The following LRCH2 variants were observed in gnomAD, a reference collection of about 807,000 sequenced individuals.
The protein encoded by LRCH2 is leucine rich repeats and calponin homology domain containing 2, also known as leucine-rich repeat and calponin homology domain-containing protein 2.
A neutral mutation model predicts 68.9 loss-of-function variants in LRCH2; 38 were observed. The ratio of observed to expected loss-of-function variants is 0.55; its 90% CI spans 0.43 to 0.72. The LOEUF is 0.72. Among genes scored for constraint, LRCH2 ranks in the 30% least tolerant of loss-of-function variants. The pLI is 0.00. For missense variants in LRCH2, 528 were observed against 572.9 expected (o/e 0.92, Z 0.80); for synonymous variants, 191 against 208.1 (o/e 0.92, Z 0.71).
At chrX:115,150,799 T>C (rs1024257567) in intron 12 of LRCH2, among the ~76,000 whole-genome samples, 13 of 111,025 alleles carry the variant, frequency 1.2e-4, no homozygotes, top group African/African-American at 4.2e-4. Flanking sequence ...TCTATTATTA[T>C]AAGAGGTAAG....
At position 115,156,671 on chromosome X, in the gene LRCH2, G is replaced by C; in HGVS notation, c.1464-4C>G. ...AGAAGTTGAATGATTAAGAATCCTA[G>C]AAGTAAATCAACACATTAATTCCCA... On this transcript the variant is annotated splice_polypyrimidine_tract_variant and splice_region_variant and intron_variant, in intron 11 of 20. Coordinates refer to ENST00000317135, the MANE Select transcript of LRCH2 (RefSeq NM_020871.4). 9.1e-7 allele frequency: 1 copy of C among 1,095,051 alleles called. No homozygotes were observed. The highest frequency in any genetic ancestry group is 1.2e-6 in the Non-Finnish European group (1 of 825,654). 90.2% of individuals were successfully genotyped at this position (1,095,051 alleles called of 1,213,427 possible). A position where few individuals can be genotyped will look rare whatever the true frequency, so the allele number is the denominator to read the frequency against.
intron 1 of LRCH2, chrX:115,192,014 G>A (rs782146378): frequency 1.7e-6 from 2 of 1,166,484 alleles, no homozygotes; most frequent in African/African-American, 3.6e-5. Context: ...TATGGAGGAG[G>A]AGGCCACTAC....
At chrX:115,172,834 A>G (rs2072615096) in intron 5 of LRCH2, among the ~76,000 whole-genome samples, 1 of 104,646 alleles carries the variant, frequency 9.6e-6, no homozygotes, top group African/African-American at 3.5e-5. Context: ...CATATCTGTC[A>G]ATCTCAGACA....
intron 5 of LRCH2, among the ~76,000 whole-genome samples, chrX:115,174,315 C>T (rs1224460910): frequency 2.7e-5 from 3 of 110,535 alleles, no homozygotes; most frequent in Non-Finnish European, 3.8e-5. Flanking sequence ...GTCCTCAGTA[C>T]TTATTCATCT....
rs1447334331 is a variant in LRCH2, at chrX:115,184,327, T to C, written c.621+84A>G. On this transcript the variant is annotated intron_variant, in intron 3 of 20. Transcript: ENST00000317135. The stretch of plus-strand genomic sequence containing the variant: ...TTAGTACTTTTTTTAAAAATTACAA[T>C]TAAATTCCATTAAAAATAGGTAATC... 14 of 783,155 alleles carry C rather than the reference T, an allele frequency of 1.8e-5. No homozygotes were observed. The South Asian group carries it at 5.2e-4, about 29-fold the overall frequency. 64.5% of individuals were successfully genotyped at this position (783,155 alleles called of 1,213,427 possible).
In LRCH2 at chrX:115,165,542, T is replaced by C. The variant is rs2072552119; in HGVS notation, c.1296+16A>G. ...AAGAGAACATGTTATTAATATTTGTTCAAAGTTTTATTTACCTTAAAGAAT... is the reference window on the plus strand; with the variant it reads ...AAGAGAACATGTTATTAATATTTGTCCAAAGTTTTATTTACCTTAAAGAAT... On this transcript the variant is annotated intron_variant, in intron 9 of 20. Coordinates refer to ENST00000317135, the MANE Select transcript of LRCH2 (RefSeq NM_020871.4). The C allele has an allele frequency of 2.7e-6, 3 of 1,114,293 alleles. No individual in the cohort carries two copies. The highest frequency in any genetic ancestry group is 3.6e-6 in the Non-Finnish European group (3 of 830,398). The allele number at this position is 1,114,293 out of a possible 1,213,427, so 91.8% of individuals were successfully genotyped here. A position where few individuals can be genotyped will look rare whatever the true frequency, so the allele number is the denominator to read the frequency against.
rs1556522603 is a variant in LRCH2, at chrX:115,111,139, T to A, written c.*2077A>T. The stretch of plus-strand genomic sequence containing the variant: ...ACTGCTTTAGACGTGGTGTTGCCAT[T>A]TGGCACAAGAGTAAATGAACTGCCA... On this transcript the variant is annotated 3_prime_UTR_variant, in exon 21 of 21. Coordinates refer to ENST00000317135, the MANE Select transcript of LRCH2 (RefSeq NM_020871.4). 9.0e-6 allele frequency: 1 copy of A among 111,722 alleles called. No individual in the cohort carries two copies. The allele number at this position is 111,722 out of a possible 1,213,427, so 9.2% of individuals were successfully genotyped here. A position where few individuals can be genotyped will look rare whatever the true frequency, so the allele number is the denominator to read the frequency against.
At chrX:115,171,684 T>G (rs953065531) in intron 5 of LRCH2, among the ~76,000 whole-genome samples, 12 of 109,285 alleles carry the variant, frequency 1.1e-4, no homozygotes, top group Admixed American at 2.0e-4. Flanking sequence ...GTTTTTTTGT[T>G]TTTTTTTTGC....
At position 115,207,529 on chromosome X, in the gene LRCH2, C is replaced by A. The variant is rs1257165022; in HGVS notation, c.350-19159G>T. Reference sequence around the variant, plus strand: ...ACTCATGCCTGGGTGACAGTGAGACCCTGTCTTTTTCAAAAAATAAAAATA... The same window carrying A: ...ACTCATGCCTGGGTGACAGTGAGACACTGTCTTTTTCAAAAAATAAAAATA... On this transcript the variant is annotated intron_variant, in intron 1 of 20. Transcript: ENST00000317135. Among the ~76,000 whole-genome samples the A allele has an allele frequency of 4.5e-5, 5 of 111,301 alleles. No homozygotes were observed. In the East Asian group the frequency reaches 1.1e-3, roughly 25 times the overall value.
chrX:115,215,094 T>C (rs1047325607), intron 1 of LRCH2, among the ~76,000 whole-genome samples: 2 of 112,205 alleles, frequency 1.8e-5, no homozygotes, highest in African/African-American at 3.2e-5. Flanking sequence ...TCAAGACAAA[T>C]ACTATTGCTT....
At chrX:115,142,979 C>G (rs2072352341) in intron 14 of LRCH2, among the ~76,000 whole-genome samples, 1 of 110,128 alleles carries the variant, frequency 9.1e-6, no homozygotes, top group South Asian at 3.9e-4. Flanking sequence ...GCCTGTAGTC[C>G]CAGCTACTTG....
intron 12 of LRCH2, among the ~76,000 whole-genome samples, chrX:115,153,140 C>A (rs2072445790): frequency 1.1e-5 from 1 of 91,024 alleles, no homozygotes; most frequent in Non-Finnish European, 2.1e-5. Context: ...GAGACCCTGT[C>A]TCTACAAAAA....
At chrX:115,189,921 AC>A in intron 1 of LRCH2, 3 of 1,156,969 alleles carry the variant, frequency 2.6e-6, no homozygotes, top group Non-Finnish European at 3.5e-6. Context: ...GGGCCAGCCC[AC>A]CCCACAAGAG....
chrX:115,122,589 C>T lies in LRCH2; in HGVS notation c.2116G>A (p.Ala706Thr). Reference sequence around the variant, plus strand: ...TTTTCTACATTTCTTCGACATTTTGCCATGCTCAGTTTGGGCTGTAAAGTA... The same window carrying T: ...TTTTCTACATTTCTTCGACATTTTGTCATGCTCAGTTTGGGCTGTAAAGTA... ...PSPAVPKLSMAKCRRNVENFL... is the reference protein window; with the variant it reads ...PSPAVPKLSMTKCRRNVENFL... Residue 706 changes from alanine to threonine, a missense_variant, in exon 20 of 21, where the codon GCA (alanine) becomes ACA (threonine). By Grantham distance (58) the Ala-to-Thr change is moderately conservative (BLOSUM62 0). Coordinates refer to ENST00000317135, the MANE Select transcript of LRCH2 (RefSeq NM_020871.4). 2 of 1,209,643 alleles carry T rather than the reference C, an allele frequency of 1.7e-6. No individual in the cohort carries two copies. Among genetic ancestry groups the T allele is most frequent in the Non-Finnish European group, 2.2e-6 (2 of 894,520 alleles).
chrX:115,189,302 G>A, intron 1 of LRCH2: 5 of 589,517 alleles, frequency 8.5e-6, no homozygotes, highest in South Asian at 3.2e-5. Context: ...GAACTATGAC[G>A]TAAGGTACTC....
intron 1 of LRCH2, among the ~76,000 whole-genome samples, chrX:115,221,936 AG>A (rs1465061616): frequency 9.3e-6 from 1 of 108,009 alleles, no homozygotes; most frequent in Non-Finnish European, 1.9e-5. Context: ...GGATATTAAC[AG>A]GAAAAAAAAA....
At chrX:115,164,064 G>T (rs1324380009) in intron 10 of LRCH2, among the ~76,000 whole-genome samples, 1 of 111,553 alleles carries the variant, frequency 9.0e-6, no homozygotes. Flanking sequence ...ATGGTTAATA[G>T]TAATCTAAAA....
chrX:115,227,179 C>T (rs1049912504), intron 1 of LRCH2, among the ~76,000 whole-genome samples: 12 of 110,059 alleles, frequency 1.1e-4, no homozygotes, highest in African/African-American at 4.0e-4. Context: ...GTCCAAGCTA[C>T]TCAGCAGGCT....
In LRCH2 at chrX:115,191,091, A is replaced by G. The variant is rs1275452896; in HGVS notation, c.350-2721T>C. The G allele has an allele frequency of 2.2e-5, 26 of 1,160,209 alleles. No homozygotes were observed. In the Admixed American group the frequency reaches 3.4e-4, roughly 15 times the overall value. On this transcript the variant is annotated intron_variant, in intron 1 of 20. Coordinates refer to ENST00000317135, the MANE Select transcript of LRCH2 (RefSeq NM_020871.4). Reference sequence around the variant, plus strand: ...GCCAGAGCCACCGCTATGGAGGAGAAGGCCGCTATGAGTACCGAGGCCGCT... The same window carrying G: ...GCCAGAGCCACCGCTATGGAGGAGAGGGCCGCTATGAGTACCGAGGCCGCT...
Sources: gnomAD v4.1 joint callset for allele counts (sites outside exome capture counted in the v4.1 genomes callset) on GRCh38, gnomAD v4.1.1 for gene constraint, MANE v1.5 for transcripts, NCBI Gene and HGNC (gene_info 2026-07-23, HGNC 2026-07-21) for gene names.